ZBTB10: variants seen among roughly 807,000 people sequenced by gnomAD.
ZBTB10 encodes the protein zinc finger and BTB domain containing 10.
ZBTB10 carries 32 observed loss-of-function variants against 76.4 expected under a neutral mutation model. The observed-to-expected ratio is 0.42, with a 90% CI of 0.32 to 0.56. The LOEUF is 0.56. Among genes scored for constraint, ZBTB10 ranks in the 20% least tolerant of loss-of-function variants. The probability of loss-of-function intolerance (pLI) is 0.14; values close to 1 mark genes in which losing one functional copy is unlikely to be tolerated. For missense variants in ZBTB10, 1,057 were observed against 1,098.5 expected, an observed-to-expected ratio of 0.96 and a Z score of 0.53; for synonymous variants, 523 against 432.9, an observed-to-expected ratio of 1.21 and a Z score of -2.58.
chr8:80,514,979 G>C (rs577666874), intron 3 of ZBTB10, among the ~76,000 whole-genome samples: 2 of 152,332 alleles, frequency 1.3e-5, no homozygotes, highest in East Asian at 3.9e-4. Flanking sequence ...GAAACCACTA[G>C]ATTGAAGGAG....
In ZBTB10 at chr8:80,500,284, T is replaced by G. The variant is rs1258049055; in HGVS notation, c.1763T>G (p.Ile588Ser). ...ACTACAAAAAGATTTATTTATAATATTCCACCTAATAATGAAACGAATTTA... is the reference window on the plus strand; with the variant it reads ...ACTACAAAAAGATTTATTTATAATAGTCCACCTAATAATGAAACGAATTTA... ...NQTTKRFIYN[I>S]PPNNETNLED... Residue 588 changes from isoleucine to serine, a missense_variant, in exon 2 of 6, where the codon ATT (isoleucine) becomes AGT (serine). Ile to Ser is a moderately radical substitution (Grantham distance 142). Around this residue, in one of 5 missense-constraint regions of ZBTB10, gnomAD observed 306 missense variants for 297.5 expected, o/e 1.03. Coordinates refer to ENST00000455036, the MANE Select transcript of ZBTB10 (RefSeq NM_001105539.3). The G allele has an allele frequency of 1.3e-6, 2 of 1,574,860 alleles. No homozygotes were observed. The highest frequency in any genetic ancestry group is 2.7e-5 in the African/African-American group (2 of 73,682).
At chr8:80,517,940 G>A (rs959519468) in intron 3 of ZBTB10, among the ~76,000 whole-genome samples, 4 of 141,764 alleles carry the variant, frequency 2.8e-5, no homozygotes, top group Admixed American at 7.2e-5. Context: ...GTGCAGTGGC[G>A]CAATCTTGAA....
chr8:80,512,915 G>C lies in ZBTB10; in HGVS notation c.1862-995G>C, dbSNP rs531302402. On this transcript the variant is annotated intron_variant, in intron 2 of 5. Coordinates refer to ENST00000455036, the MANE Select transcript of ZBTB10 (RefSeq NM_001105539.3). ...CCAGTATCGCTCAGTAAGATTACCAGTGACATCCTAGGTGCTTATTGAATG... is the reference window on the plus strand; with the variant it reads ...CCAGTATCGCTCAGTAAGATTACCACTGACATCCTAGGTGCTTATTGAATG... Among the ~76,000 whole-genome samples, 9 of 152,036 alleles carry C rather than the reference G, an allele frequency of 5.9e-5. No individual in the cohort carries two copies. The South Asian group carries it at 1.7e-3, about 28-fold the overall frequency.
chr8:80,515,116 T>C (rs1169843144), intron 3 of ZBTB10, among the ~76,000 whole-genome samples: 1 of 152,220 alleles, frequency 6.6e-6, no homozygotes, highest in Non-Finnish European at 1.5e-5. Context: ...TGATATTCAG[T>C]TAATTTTAAA....
Position 80,519,647 on chromosome 8 carries a change from G to C in ZBTB10, c.*119G>C. 8.3e-7 allele frequency: 1 copy of C among 1,200,570 alleles called. No homozygotes were observed. The highest frequency in any genetic ancestry group is 1.6e-5 in the South Asian group (1 of 61,608). 74.4% of individuals were successfully genotyped at this position (1,200,570 alleles called of 1,614,324 possible). On this transcript the variant is annotated 3_prime_UTR_variant, in exon 6 of 6. Coordinates refer to ENST00000455036, the MANE Select transcript of ZBTB10 (RefSeq NM_001105539.3). ...CATGCTGGATAGTAGTTATGTTGCT[G>C]TGAAAACTGTAGGGTCAAAGCCTTA...
At position 80,487,792 on chromosome 8, in the gene ZBTB10, A is replaced by C; in HGVS notation, c.972+10A>C. The stretch of plus-strand genomic sequence containing the variant: ...CGAAGCCAACGCCCAGGTACAGTAT[A>C]TCCTGCTCCTACTTTTTTGAGATCT... On this transcript the variant is annotated intron_variant, in intron 1 of 5. Transcript: ENST00000455036. 6.5e-7 allele frequency: 1 copy of C among 1,544,524 alleles called. No individual in the cohort carries two copies. The highest frequency in any genetic ancestry group is 8.7e-7 in the Non-Finnish European group (1 of 1,147,996).
chr8:80,520,708 C>T lies in ZBTB10; in HGVS notation c.*1180C>T, dbSNP rs906377300. 1 of 151,896 alleles carries T rather than the reference C, an allele frequency of 6.6e-6. No homozygotes were observed. The highest frequency in any genetic ancestry group is 2.4e-5 in the African/African-American group (1 of 41,400). 9.4% of individuals were successfully genotyped at this position (151,896 alleles called of 1,614,324 possible). A position where few individuals can be genotyped will look rare whatever the true frequency, so the allele number is the denominator to read the frequency against. On this transcript the variant is annotated 3_prime_UTR_variant, in exon 6 of 6. Transcript: ENST00000455036. ...TCCTTGAAGTCACTACACCTTGATA[C>T]AGTCTTTCTAGTAGTCACCATGATT...
intron 2 of ZBTB10, among the ~76,000 whole-genome samples, chr8:80,506,106 C>A (rs1157139165): frequency 6.6e-6 from 1 of 151,770 alleles, no homozygotes; most frequent in African/African-American, 2.4e-5. Flanking sequence ...GAGACTTGGG[C>A]TTTAGATTCA....
At chr8:80,503,460 A>G (rs1036310382) in intron 2 of ZBTB10, among the ~76,000 whole-genome samples, 6 of 152,092 alleles carry the variant, frequency 3.9e-5, no homozygotes, top group Non-Finnish European at 7.3e-5. Context: ...TTGCTTCTCT[A>G]TAACTTCCTA....
rs1229533923 is a variant in ZBTB10 at position 80,525,983 on chromosome 8, C to T, written c.*6455C>T. ...TACATAACCCTAGTAGATAATGTTACTGCAAGATGTAATGACCAAATCCAA... is the reference window on the plus strand; with the variant it reads ...TACATAACCCTAGTAGATAATGTTATTGCAAGATGTAATGACCAAATCCAA... On this transcript the variant is annotated 3_prime_UTR_variant, in exon 6 of 6. Coordinates refer to ENST00000455036, the MANE Select transcript of ZBTB10 (RefSeq NM_001105539.3). 6.6e-6 allele frequency: 1 copy of T among 152,052 alleles called. No individual in the cohort carries two copies. The highest frequency in any genetic ancestry group is 2.4e-5 in the African/African-American group (1 of 41,400). The allele number at this position is 152,052 out of a possible 1,614,324, so 9.4% of individuals were successfully genotyped here.
At chr8:80,494,855 G>A (rs1258509704) in intron 1 of ZBTB10, among the ~76,000 whole-genome samples, 2 of 150,956 alleles carry the variant, frequency 1.3e-5, no homozygotes, top group African/African-American at 4.9e-5. Context: ...AACCCAGGAG[G>A]TTGAGGGTAC....
At chr8:80,509,731 C>T (rs139462996) in intron 2 of ZBTB10, among the ~76,000 whole-genome samples, 68 of 152,148 alleles carry the variant, frequency 4.5e-4, no homozygotes, top group African/African-American at 1.6e-3. Context: ...TCTTTTAATC[C>T]CATCTCATTC....
intron 1 of ZBTB10, among the ~76,000 whole-genome samples, chr8:80,494,048 A>T (rs765273320): frequency 6.6e-6 from 1 of 152,192 alleles, no homozygotes; most frequent in Admixed American, 6.5e-5. Flanking sequence ...AAAACTTGCT[A>T]TGGCCTTGTT....
At chr8:80,512,744 G>GA (rs1243185048) in intron 2 of ZBTB10, among the ~76,000 whole-genome samples, 4 of 151,980 alleles carry the variant, frequency 2.6e-5, no homozygotes, top group African/African-American at 4.8e-5. Flanking sequence ...TCTTAAAAAA[G>GA]AAAAAAATCA....
upstream of ZBTB10, chr8:80,485,997 GC>G: frequency 1.2e-6 from 1 of 868,752 alleles, no homozygotes; most frequent in Non-Finnish European, 1.6e-6. Flanking sequence ...CCCCCAGCCC[GC>G]CGCCCGGCCT....
Position 80,519,248 on chromosome 8 carries a change from A to G in ZBTB10, c.2336A>G (p.Lys779Arg). Reference protein sequence around the residue: ...SLVHKKDKKYKCMVCKKIFML... With the variant: ...SLVHKKDKKYRCMVCKKIFML... ...GTGCATAAAAAGGATAAAAAATACA[A>G]ATGTATGGTGTGTAAGAAGATCTTC... The change falls in exon 6 of 6, where the codon AAA becomes AGA. Residue 779 changes from lysine (K) to arginine (R), a missense_variant. By Grantham distance (26) the Lys-to-Arg change is conservative. Around this residue, in one of 5 missense-constraint regions of ZBTB10, gnomAD observed 54 missense variants for 138.1 expected, o/e 0.39. Transcript: ENST00000455036. The G allele has an allele frequency of 6.2e-7, 1 of 1,613,626 alleles. No individual in the cohort carries two copies. Among genetic ancestry groups the G allele is most frequent in the Non-Finnish European group, 8.5e-7 (1 of 1,179,680 alleles).
Position 80,525,684 on chromosome 8 carries a change from T to C in ZBTB10, c.*6156T>C, listed in dbSNP as rs1816547600. ...CTCCTGAACTTCAATTTCAGTATTA[T>C]TTTTCTGTACCAAACTCATTCAATA... On this transcript the variant is annotated 3_prime_UTR_variant, in exon 6 of 6. Transcript: ENST00000455036. 1 of 152,170 alleles carries C rather than the reference T, an allele frequency of 6.6e-6. No individual in the cohort carries two copies. 9.4% of individuals were successfully genotyped at this position (152,170 alleles called of 1,614,324 possible). A position where few individuals can be genotyped will look rare whatever the true frequency, so the allele number is the denominator to read the frequency against.
intron 3 of ZBTB10, among the ~76,000 whole-genome samples, chr8:80,517,117 C>G (rs944517150): frequency 4.6e-5 from 7 of 152,144 alleles, no homozygotes; most frequent in Non-Finnish European, 1.0e-4. Context: ...TATTGAAAGT[C>G]TCTAGCTTTT....
intron 2 of ZBTB10, among the ~76,000 whole-genome samples, chr8:80,503,205 G>T (rs2131495899): frequency 6.6e-6 from 1 of 152,102 alleles, no homozygotes; most frequent in East Asian, 1.9e-4. Flanking sequence ...TGATTTTATA[G>T]AATTATTATG....
Sources: gnomAD v4.1 joint callset for allele counts (sites outside exome capture counted in the v4.1 genomes callset) on GRCh38, gnomAD v4.1.1 for gene constraint, gnomAD v4.1.1 regional missense constraint, MANE v1.5 for transcripts, NCBI Gene and HGNC (gene_info 2026-07-23, HGNC 2026-07-21) for gene names.